PCDH15: variants seen among roughly 807,000 people sequenced by gnomAD.
PCDH15 encodes the protein protocadherin-15.
In PCDH15, 129 loss-of-function variants were observed where a neutral mutation model predicts 178.5. That is an observed-to-expected ratio of 0.72 (90% CI 0.63 to 0.84). The LOEUF (loss-of-function observed/expected upper bound fraction) is 0.84. Ranked by LOEUF, PCDH15 falls within the 40% of genes least tolerant of loss-of-function variation. The pLI is 0.00. For synonymous variants in PCDH15, 800 were observed against 732.0 expected (o/e 1.09, Z -1.50); for missense variants, 2,230 against 2,099.9 (o/e 1.06, Z -1.21).
intron 8 of PCDH15, among the ~76,000 whole-genome samples, chr10:54,289,367 T>C (rs1230947564): frequency 6.6e-6 from 1 of 152,086 alleles, no homozygotes; most frequent in Non-Finnish European, 1.5e-5. Context: ...AAAAAGGACA[T>C]TTATACCAAA....
At chr10:55,317,473 A>C (rs1452757410) in intron 1 of PCDH15, among the ~76,000 whole-genome samples, 1 of 144,984 alleles carries the variant, frequency 6.9e-6, no homozygotes. Context: ...GAGAGGCTTA[A>C]TAGTGTTTTT....
chr10:53,817,947 T>C (rs2076125144), intron 34 of PCDH15, 48 bp downstream of exon 34: 1 of 398,584 alleles, frequency 2.5e-6, no homozygotes, highest in South Asian at 1.3e-4. Context: ...ATTACACAAG[T>C]ATTTTCCTAG....
intron 2 of PCDH15, among the ~76,000 whole-genome samples, chr10:54,629,085 T>C (rs1420639494): frequency 1.3e-5 from 2 of 152,070 alleles, no homozygotes; most frequent in East Asian, 3.9e-4. Flanking sequence ...TTCTGAATAA[T>C]GTTCATCTAG....
At chr10:54,241,874 A>T (rs2055339717) in intron 8 of PCDH15, among the ~76,000 whole-genome samples, 1 of 151,658 alleles carries the variant, frequency 6.6e-6, no homozygotes, top group Admixed American at 6.6e-5. Flanking sequence ...ATGGTTTAAG[A>T]ACCTTAAAAT....
intron 2 of PCDH15, among the ~76,000 whole-genome samples, chr10:55,622,916 C>T (rs1837436995): frequency 6.6e-6 from 1 of 152,138 alleles, no homozygotes; most frequent in Non-Finnish European, 1.5e-5. Context: ...CTAGTCTAAT[C>T]CCACTCATAA....
intron 3 of PCDH15, among the ~76,000 whole-genome samples, chr10:54,833,642 T>C (rs1953264752): frequency 6.6e-6 from 1 of 152,200 alleles, no homozygotes. Context: ...TGTAAGCCAG[T>C]TCCTAAAATC....
At chr10:54,225,242 T>A (rs2053303528) in intron 9 of PCDH15, among the ~76,000 whole-genome samples, 1 of 152,176 alleles carries the variant, frequency 6.6e-6, no homozygotes, top group Non-Finnish European at 1.5e-5. Context: ...TCTCACTGAA[T>A]TCTTGTATCC....
intron 1 of PCDH15, among the ~76,000 whole-genome samples, chr10:55,287,267 T>C (rs1252125390): frequency 6.6e-6 from 1 of 152,046 alleles, no homozygotes; most frequent in Non-Finnish European, 1.5e-5. Flanking sequence ...AAAATTTATG[T>C]GCAAATTTTA....
At chr10:55,516,558 G>A (rs1841016820) in intron 2 of PCDH15, among the ~76,000 whole-genome samples, 1 of 152,062 alleles carries the variant, frequency 6.6e-6, no homozygotes, top group African/African-American at 2.4e-5. Context: ...CCTTGGAGAT[G>A]GCAGAAGACA....
chr10:54,914,982 C>A (rs1331756787), intron 2 of PCDH15, among the ~76,000 whole-genome samples: 1 of 152,216 alleles, frequency 6.6e-6, no homozygotes, highest in African/African-American at 2.4e-5. Flanking sequence ...GCATATGCCA[C>A]TTTTTACCCT....
At chr10:53,965,100 C>A (rs1376966308) in intron 21 of PCDH15, among the ~76,000 whole-genome samples, 1 of 151,084 alleles carries the variant, frequency 6.6e-6, no homozygotes, top group Admixed American at 6.6e-5. Context: ...TACTCTTACC[C>A]GGGCTGGAGT....
chr10:54,652,953 C>A (rs372686881), intron 2 of PCDH15, among the ~76,000 whole-genome samples: 19 of 152,230 alleles, frequency 1.2e-4, no homozygotes, highest in East Asian at 9.7e-4. Context: ...TAACAAAAAT[C>A]TTGTTTTATT....
intron 8 of PCDH15, among the ~76,000 whole-genome samples, chr10:54,289,660 G>T (rs2059267966): frequency 1.3e-5 from 2 of 152,182 alleles, no homozygotes; most frequent in Admixed American, 1.3e-4. Flanking sequence ...AAAATGGTTA[G>T]ACGAATGCCT....
At chr10:54,421,692 A>ATATATG (rs1955378383) in intron 3 of PCDH15, among the ~76,000 whole-genome samples, 1 of 113,662 alleles carries the variant, frequency 8.8e-6, no homozygotes, top group Non-Finnish European at 1.6e-5. Flanking sequence ...ATATATATAT[A>ATATATG]TACACACACA....
chr10:54,044,536 T>G (rs2093619490), intron 18 of PCDH15, among the ~76,000 whole-genome samples: 1 of 152,072 alleles, frequency 6.6e-6, no homozygotes, highest in South Asian at 2.1e-4. Flanking sequence ...GCTATGAAAC[T>G]TGTGTTCCTT....
chr10:54,528,710 T>A (rs894391293), intron 2 of PCDH15, among the ~76,000 whole-genome samples: 2 of 152,052 alleles, frequency 1.3e-5, no homozygotes, highest in Non-Finnish European at 2.9e-5. Flanking sequence ...TAAATACGAA[T>A]TACTTATGAA....
chr10:55,234,387 G>A (rs1841314710), intron 1 of PCDH15, among the ~76,000 whole-genome samples: 1 of 151,770 alleles, frequency 6.6e-6, no homozygotes. Context: ...AAAATTTAAT[G>A]AACCAATAAG....
chr10:54,457,283 T>C (rs1290568411), intron 3 of PCDH15, among the ~76,000 whole-genome samples: 2 of 152,170 alleles, frequency 1.3e-5, no homozygotes, highest in African/African-American at 4.8e-5. Flanking sequence ...CAAAAATGTA[T>C]GCACTATTTT....
intron 5 of PCDH15, among the ~76,000 whole-genome samples, chr10:54,348,601 T>A (rs773646190): frequency 1.4e-5 from 2 of 143,678 alleles, no homozygotes; most frequent in African/African-American, 2.4e-5. Context: ...GAATTTTGTA[T>A]ATTTGTTGTG....
Sources: allele counts gnomAD v4.1 joint callset (sites outside exome capture counted in the v4.1 genomes callset), GRCh38; gene constraint gnomAD v4.1.1; transcripts MANE v1.5; gene names NCBI Gene and HGNC (gene_info 2026-07-23, HGNC 2026-07-21).